The following TTC28 variants were observed in gnomAD, a reference collection of about 807,000 sequenced individuals.
The protein encoded by TTC28 is tetratricopeptide repeat domain 28.
TTC28 carries 61 observed loss-of-function variants against 198.0 expected under a neutral mutation model. The ratio of observed to expected loss-of-function variants is 0.31; its 90% CI spans 0.25 to 0.38. TTC28 has a LOEUF of 0.38. Ranked by LOEUF, TTC28 falls within the 10% of genes least tolerant of loss-of-function variation. The probability of loss-of-function intolerance (pLI) is 1.00; values close to 1 mark genes in which losing one functional copy is unlikely to be tolerated. For missense variants in TTC28, 2,678 were observed against 3,164.0 expected (o/e 0.85, Z 3.69); for synonymous variants, 1,171 against 1,297.8 (o/e 0.90, Z 2.10).
chr22:28,564,758 AC>A (rs1430352894), intron 2 of TTC28, among the ~76,000 whole-genome samples: 1 of 150,318 alleles, frequency 6.7e-6, no homozygotes, highest in Non-Finnish European at 1.5e-5. Context: ...ACGTTACACA[AC>A]CCCCAATCAT....
At chr22:28,198,180 G>A (rs1361784233) in intron 5 of TTC28, among the ~76,000 whole-genome samples, 1 of 152,020 alleles carries the variant, frequency 6.6e-6, no homozygotes, top group East Asian at 1.9e-4. Context: ...TGAAATTTGG[G>A]GCTAGATAAT....
intron 2 of TTC28, among the ~76,000 whole-genome samples, chr22:28,403,853 A>G (rs2046956803): frequency 6.6e-6 from 1 of 152,220 alleles, no homozygotes; most frequent in Non-Finnish European, 1.5e-5. Context: ...CCTCATAAAA[A>G]CAATCTCTAC....
chr22:28,504,363 G>A (rs2048574789), intron 2 of TTC28, among the ~76,000 whole-genome samples: 2 of 152,174 alleles, frequency 1.3e-5, no homozygotes, highest in African/African-American at 2.4e-5. Flanking sequence ...AGCTATGTGT[G>A]TGTGTGTGTC....
chr22:28,056,179 T>C (rs1940280555), intron 12 of TTC28: 1 of 152,138 alleles, frequency 6.6e-6, no homozygotes, highest in Admixed American at 6.5e-5. Context: ...TATGTTGCCA[T>C]GGCTGGAGTG....
At chr22:28,629,437 G>T in intron 2 of TTC28, 115 bp downstream of exon 2, 1 of 1,094,190 alleles carries the variant, frequency 9.1e-7, no homozygotes, top group Non-Finnish European at 1.3e-6. Context: ...TTTTGCTGAA[G>T]TACAGATTAT....
Position 28,107,775 on chromosome 22 carries a change from G to A in TTC28, c.2070C>T (p.Phe690=). 6.4e-7 allele frequency: 1 copy of A among 1,551,996 alleles called. No homozygotes were observed. Among genetic ancestry groups the A allele is most frequent in the Non-Finnish European group, 8.7e-7 (1 of 1,147,056 alleles). ...LGLAFKALLN[F]SKAEECQKYL... is the part of the protein sequence containing the mutation. Reference sequence around the variant, plus strand: ...ACTTCTGACACTCTTCAGCTTTACTGAAATTCAGCAGAGCCTTGAATGCTA... The same window carrying A: ...ACTTCTGACACTCTTCAGCTTTACTAAAATTCAGCAGAGCCTTGAATGCTA... The change falls in exon 7 of 23, where the codon TTC becomes TTT. Residue 690 remains phenylalanine (F), a synonymous_variant. Transcript: ENST00000397906.
chr22:28,294,399 A>T (rs2044848713), intron 5 of TTC28, among the ~76,000 whole-genome samples: 1 of 152,172 alleles, frequency 6.6e-6, no homozygotes, highest in Admixed American at 6.5e-5. Context: ...CTCCTGTTTA[A>T]CATCTATAAT....
chr22:28,204,381 G>C (rs904595280), intron 5 of TTC28, among the ~76,000 whole-genome samples: 17 of 152,164 alleles, frequency 1.1e-4, no homozygotes, highest in Admixed American at 6.5e-5. Flanking sequence ...AACGGTAATA[G>C]TAATAGCTAT....
intron 5 of TTC28, among the ~76,000 whole-genome samples, chr22:28,188,886 A>C (rs1342086644): frequency 6.6e-6 from 1 of 152,146 alleles, no homozygotes; most frequent in Non-Finnish European, 1.5e-5. Flanking sequence ...CCACCCAACC[A>C]CACAGAGGCA....
At chr22:28,304,682 C>T (rs1047872582) in intron 3 of TTC28, among the ~76,000 whole-genome samples, 2 of 152,140 alleles carry the variant, frequency 1.3e-5, no homozygotes, top group Admixed American at 1.3e-4. Flanking sequence ...CTAAATAGAT[C>T]GCTTCAAAGG....
At chr22:28,504,562 C>A (rs2048579644) in intron 2 of TTC28, among the ~76,000 whole-genome samples, 1 of 152,070 alleles carries the variant, frequency 6.6e-6, no homozygotes, top group Non-Finnish European at 1.5e-5. Flanking sequence ...GAAGCCATGG[C>A]CAATGTCTTT....
chr22:28,065,938 T>C (rs1940728807), intron 12 of TTC28, among the ~76,000 whole-genome samples: 1 of 152,194 alleles, frequency 6.6e-6, no homozygotes, highest in Non-Finnish European at 1.5e-5. Flanking sequence ...ATGTACATAT[T>C]TCATACTTGA....
chr22:28,657,945 T>A (rs1238820445), intron 1 of TTC28, among the ~76,000 whole-genome samples: 1 of 152,084 alleles, frequency 6.6e-6, no homozygotes, highest in Non-Finnish European at 1.5e-5. Context: ...AAATTAAAAA[T>A]GGTCCATGTT....
intron 2 of TTC28, among the ~76,000 whole-genome samples, chr22:28,426,763 C>T (rs540232666): frequency 6.6e-6 from 1 of 152,238 alleles, no homozygotes; most frequent in African/African-American, 2.4e-5. Context: ...CAGAAATGGC[C>T]TTTTGTTTCC....
intron 14 of TTC28, chr22:28,001,858 A>G (rs2146550338): frequency 2.9e-6 from 1 of 349,998 alleles, no homozygotes; most frequent in Admixed American, 3.8e-5. Context: ...ACCGGTCTGT[A>G]CCGCACAGGC....
intron 6 of TTC28, among the ~76,000 whole-genome samples, chr22:28,127,654 TAATAA>T: frequency 6.6e-6 from 1 of 152,234 alleles, no homozygotes; most frequent in Admixed American, 6.5e-5. Context: ...TATACTGGGT[TAATAA>T]AATATATTAT....
At chr22:28,148,005 T>C (rs1205428740) in intron 6 of TTC28, among the ~76,000 whole-genome samples, 1 of 152,220 alleles carries the variant, frequency 6.6e-6, no homozygotes, top group African/African-American at 2.4e-5. Flanking sequence ...TCCTAGTGAT[T>C]TTCTTGTCTA....
At chr22:28,189,432 G>C (rs902334507) in intron 5 of TTC28, among the ~76,000 whole-genome samples, 1 of 151,792 alleles carries the variant, frequency 6.6e-6, no homozygotes, top group African/African-American at 2.4e-5. Context: ...TGAGAGGATC[G>C]ACCCAAGCAG....
chr22:28,372,045 G>T (rs1002691144), intron 2 of TTC28, among the ~76,000 whole-genome samples: 3 of 151,916 alleles, frequency 2.0e-5, no homozygotes, highest in African/African-American at 7.3e-5. Flanking sequence ...CTGTGATTGT[G>T]CCCATGCACT....
Sources: allele counts gnomAD v4.1 joint callset (sites outside exome capture counted in the v4.1 genomes callset), GRCh38; gene constraint gnomAD v4.1.1; transcripts MANE v1.5; gene names NCBI Gene and HGNC (gene_info 2026-07-23, HGNC 2026-07-21).